Variants in PPP6R3 observed in about 807,000 individuals in gnomAD.
PPP6R3 encodes the protein serine/threonine-protein phosphatase 6 regulatory subunit 3.
PPP6R3 carries 38 observed loss-of-function variants against 110.7 expected under a neutral mutation model. That is an observed-to-expected ratio of 0.34 (90% CI 0.26 to 0.45). The LOEUF (loss-of-function observed/expected upper bound fraction) is 0.45. Among genes scored for constraint, PPP6R3 ranks in the 20% least tolerant of loss-of-function variants. The pLI is 1.00. For synonymous variants in PPP6R3, 369 were observed against 373.5 expected, an observed-to-expected ratio of 0.99 and a Z score of 0.14; for missense variants, 870 against 1,062.4, an observed-to-expected ratio of 0.82 and a Z score of 2.52.
At chr11:68,582,744 G>A (rs2099564597) in intron 14 of PPP6R3, among the ~76,000 whole-genome samples, 2 of 152,150 alleles carry the variant, frequency 1.3e-5, no homozygotes, top group South Asian at 4.1e-4. Context: ...TTAATTGGAG[G>A]TGATTATCAA....
chr11:68,506,462 A>T (rs2099078302), intron 1 of PPP6R3, among the ~76,000 whole-genome samples: 1 of 146,916 alleles, frequency 6.8e-6, no homozygotes, highest in African/African-American at 2.5e-5. Context: ...CTAACTGTAA[A>T]TTGATAAATT....
At chr11:68,608,774 A>G (rs1486221374) in intron 22 of PPP6R3, among the ~76,000 whole-genome samples, 1 of 152,200 alleles carries the variant, frequency 6.6e-6, no homozygotes, top group Non-Finnish European at 1.5e-5. Context: ...AGTTGAATCC[A>G]TCCCAGTTAG....
intron 2 of PPP6R3, among the ~76,000 whole-genome samples, chr11:68,534,103 G>A (rs1208738686): frequency 1.3e-5 from 2 of 152,198 alleles, no homozygotes; most frequent in Non-Finnish European, 2.9e-5. Flanking sequence ...AGGAAACTCT[G>A]TCATGTGGCC....
chr11:68,568,968 G>A (rs2099491006), intron 10 of PPP6R3, among the ~76,000 whole-genome samples: 2 of 152,036 alleles, frequency 1.3e-5, no homozygotes, highest in Admixed American at 6.6e-5. Context: ...GTTTCACCGT[G>A]TTAGGATGGT....
At chr11:68,492,803 A>G (rs912554507) in intron 1 of PPP6R3, among the ~76,000 whole-genome samples, 1 of 152,222 alleles carries the variant, frequency 6.6e-6, no homozygotes, top group African/African-American at 2.4e-5. Context: ...TGAGCTGTAC[A>G]GTGGTTTTCA....
chr11:68,554,534 A>G (rs1380742085), intron 7 of PPP6R3, among the ~76,000 whole-genome samples: 1 of 152,226 alleles, frequency 6.6e-6, no homozygotes, highest in Non-Finnish European at 1.5e-5. Flanking sequence ...TCATTTAGAA[A>G]TAACTGTAGT....
chr11:68,562,793 A>T (rs1189316015), intron 8 of PPP6R3, among the ~76,000 whole-genome samples: 1 of 152,240 alleles, frequency 6.6e-6, no homozygotes, highest in Non-Finnish European at 1.5e-5. Context: ...TAAAACTAGT[A>T]GTTCTAGAAG....
At chr11:68,579,712 C>T (rs1274773839) in intron 14 of PPP6R3, among the ~76,000 whole-genome samples, 2 of 152,194 alleles carry the variant, frequency 1.3e-5, no homozygotes, top group African/African-American at 4.8e-5. Context: ...CAGCAATAGA[C>T]CGCATATATG....
intron 8 of PPP6R3, 90 bp downstream of exon 8, chr11:68,558,769 G>A (rs189854060): frequency 1.9e-5 from 18 of 938,304 alleles, no homozygotes; most frequent in African/African-American, 1.7e-4. Context: ...CTGTAATAGC[G>A]TACCTTTGAA....
In PPP6R3 at chr11:68,567,108, C is replaced by G; in HGVS notation, c.1070C>G (p.Thr357Ser). Residue 357 changes from threonine to serine, a missense_variant, in exon 10 of 24, where the codon ACC (threonine) becomes AGC (serine). Physicochemically the swap from Thr to Ser is moderately conservative, Grantham distance 58. Transcript: ENST00000393800. ...AGGTTGATATCCAGCCTGCTTCAAA[C>G]CAATACCAGCAGTATAAATGGGGAC... is the stretch of plus-strand genomic sequence containing the variant. Reference protein sequence around the residue: ...VIRLISSLLQTNTSSINGDLM... With the variant: ...VIRLISSLLQSNTSSINGDLM... 5 of 1,551,420 alleles carry G rather than the reference C, an allele frequency of 3.2e-6. No homozygotes were observed. The highest frequency in any genetic ancestry group is 4.4e-6 in the Non-Finnish European group (5 of 1,146,852).
intron 1 of PPP6R3, among the ~76,000 whole-genome samples, chr11:68,468,146 G>A (rs1428951270): frequency 6.6e-6 from 1 of 152,180 alleles, no homozygotes; most frequent in Non-Finnish European, 1.5e-5. Context: ...TCTCAGCCCC[G>A]GTGATTCCAT....
chr11:68,569,718 C>T (rs372072138), intron 10 of PPP6R3, 30 bp from the exon 11 acceptor site: 49 of 1,523,036 alleles, frequency 3.2e-5, no homozygotes, highest in South Asian at 2.9e-4. Context: ...TTGAGGTAAC[C>T]GAATAAAACA....
intron 3 of PPP6R3, among the ~76,000 whole-genome samples, chr11:68,541,752 G>T (rs779051564): frequency 5.3e-4 from 81 of 152,110 alleles, no homozygotes; most frequent in Admixed American, 2.1e-3. Flanking sequence ...ACTGAGGGAT[G>T]GAGGAGTGAT....
intron 15 of PPP6R3, 43 bp downstream of exon 15, chr11:68,583,172 T>G: frequency 7.1e-7 from 1 of 1,408,728 alleles, no homozygotes; most frequent in Non-Finnish European, 9.7e-7. Flanking sequence ...TTATTTTAAA[T>G]GCTTAGTTTA....
At chr11:68,560,476 C>T (rs911156830) in intron 8 of PPP6R3, among the ~76,000 whole-genome samples, 1 of 152,154 alleles carries the variant, frequency 6.6e-6, no homozygotes, top group African/African-American at 2.4e-5. Flanking sequence ...GGACAACTTC[C>T]TTAGAGGAAA....
intron 15 of PPP6R3, among the ~76,000 whole-genome samples, chr11:68,584,755 G>C (rs533735631): frequency 5.3e-5 from 8 of 152,268 alleles, no homozygotes; most frequent in African/African-American, 1.7e-4. Context: ...AACAGCCCTT[G>C]CCAAGCTCTT....
At chr11:68,529,745 C>T (rs959592798) in intron 2 of PPP6R3, among the ~76,000 whole-genome samples, 1 of 152,186 alleles carries the variant, frequency 6.6e-6, no homozygotes, top group Non-Finnish European at 1.5e-5. Context: ...TGTTACATTT[C>T]AAGAATATAC....
intron 15 of PPP6R3, among the ~76,000 whole-genome samples, chr11:68,585,801 GATAA>G (rs1421149867): frequency 2.6e-5 from 4 of 152,278 alleles, no homozygotes; most frequent in East Asian, 3.9e-4. Flanking sequence ...TGGATGAATA[GATAA>G]ATATATATCT....
In PPP6R3 at chr11:68,586,084, A is replaced by G. The variant is rs571887563; in HGVS notation, c.1633-1843A>G. Among the ~76,000 whole-genome samples, 9 of 151,994 alleles carry G rather than the reference A, an allele frequency of 5.9e-5. No homozygotes were observed. In the South Asian group the frequency reaches 1.9e-3, roughly 32 times the overall value. On this transcript the variant is annotated intron_variant, in intron 15 of 23. Transcript: ENST00000393800. ...CTAGGAGTTTGAGTCTAGCCTGGAC[A>G]ACATGGCAAGACCCTGTCTCTTAAA...
Sources: gnomAD v4.1 joint callset for allele counts (sites outside exome capture counted in the v4.1 genomes callset) on GRCh38, gnomAD v4.1.1 for gene constraint, MANE v1.5 for transcripts, NCBI Gene and HGNC (gene_info 2026-07-23, HGNC 2026-07-21) for gene names.